PTPRD: variants seen among roughly 807,000 people sequenced by gnomAD.
PTPRD encodes the protein receptor-type tyrosine-protein phosphatase delta.
Under a neutral mutation model 214.5 loss-of-function variants are expected in PTPRD, and 34 were observed. The observed-to-expected ratio is 0.16, with a 90% CI of 0.12 to 0.21. PTPRD has a LOEUF of 0.21. Ranked by LOEUF, PTPRD falls within the 10% of genes least tolerant of loss-of-function variation. The probability of loss-of-function intolerance (pLI) is 1.00; values close to 1 mark genes in which losing one functional copy is unlikely to be tolerated. For missense variants in PTPRD, 2,545 were observed against 2,398.7 expected, an observed-to-expected ratio of 1.06 and a Z score of -1.27; for synonymous variants, 1,128 against 845.7, an observed-to-expected ratio of 1.33 and a Z score of -5.79.
intron 2 of PTPRD, among the ~76,000 whole-genome samples, chr9:10,482,294 C>G (rs1473348393): frequency 1.3e-5 from 2 of 151,984 alleles, no homozygotes; most frequent in South Asian, 2.1e-4. Flanking sequence ...TGGCATGAAC[C>G]CGGGAGGTGG....
chr9:8,679,702 A>G (rs1162967708), intron 12 of PTPRD, among the ~76,000 whole-genome samples: 1 of 152,230 alleles, frequency 6.6e-6, no homozygotes, highest in Admixed American at 6.5e-5. Context: ...GTTTTCTCCC[A>G]AGAGACATTT....
At chr9:8,817,695 A>G (rs2096950426) in intron 11 of PTPRD, among the ~76,000 whole-genome samples, 1 of 152,206 alleles carries the variant, frequency 6.6e-6, no homozygotes, top group Non-Finnish European at 1.5e-5. Context: ...ATTTCATAGA[A>G]TGGTAAAATC....
chr9:9,174,546 T>C (rs571081253), intron 10 of PTPRD, among the ~76,000 whole-genome samples: 5 of 152,278 alleles, frequency 3.3e-5, no homozygotes, highest in African/African-American at 9.6e-5. Flanking sequence ...GAGGTGAAGA[T>C]AGTAGATATA....
chr9:9,021,447 A>G (rs1449366747), intron 10 of PTPRD, among the ~76,000 whole-genome samples: 1 of 152,192 alleles, frequency 6.6e-6, no homozygotes, highest in African/African-American at 2.4e-5. Flanking sequence ...TAAATGATCA[A>G]TGGTATTAAT....
intron 11 of PTPRD, among the ~76,000 whole-genome samples, chr9:8,748,881 G>C (rs1338789924): frequency 6.6e-6 from 1 of 152,070 alleles, no homozygotes; most frequent in Non-Finnish European, 1.5e-5. Flanking sequence ...GTGCACTCCA[G>C]CCTGGGTAAT....
chr9:9,354,862 G>C (rs143599490), intron 9 of PTPRD, among the ~76,000 whole-genome samples: 1 of 151,714 alleles, frequency 6.6e-6, no homozygotes, highest in Non-Finnish European at 1.5e-5. Flanking sequence ...GAAAAATAAT[G>C]GAGGGTGAGG....
Position 8,838,791 on chromosome 9 carries a change from T to C in PTPRD, c.-103-104845A>G, listed in dbSNP as rs576105386. On this transcript the variant is annotated intron_variant, in intron 11 of 45. Coordinates refer to ENST00000381196, the MANE Select transcript of PTPRD (RefSeq NM_002839.4). Reference sequence around the variant, plus strand: ...TTCACCTAAATAAGTTTGAGGATCATGTGACTGAAGAATGGATATAAAACA... The same window carrying C: ...TTCACCTAAATAAGTTTGAGGATCACGTGACTGAAGAATGGATATAAAACA... 8.1e-4 allele frequency among the ~76,000 whole-genome samples: 123 copies of C among 152,118 alleles called. 2 individuals carry two copies. The highest frequency in any genetic ancestry group is 7.5e-3 in the South Asian group (36 of 4,820).
At chr9:8,650,043 G>A (rs116031101) in intron 12 of PTPRD, among the ~76,000 whole-genome samples, 2,429 of 152,024 alleles carry the variant, frequency 0.016, 26 homozygotes, top group Middle Eastern at 0.044. Flanking sequence ...TCAAACTCCC[G>A]AGCAGCGAGG....
intron 2 of PTPRD, among the ~76,000 whole-genome samples, chr9:10,482,406 C>A (rs2484740): frequency 0.5 from 76,013 of 151,290 alleles, 19,484 homozygotes; most frequent in East Asian, 0.76. Flanking sequence ...ATAAATAAAT[C>A]AATCAATAAT....
At chr9:8,333,807 G>A (rs544829249) in intron 43 of PTPRD, among the ~76,000 whole-genome samples, 1 of 151,760 alleles carries the variant, frequency 6.6e-6, no homozygotes, top group African/African-American at 2.4e-5. Flanking sequence ...GATACACATA[G>A]GCTCAACATA....
chr9:8,554,165 A>G (rs7854007), intron 14 of PTPRD, among the ~76,000 whole-genome samples: 49,832 of 151,952 alleles, frequency 0.33, 13,772 homozygotes, highest in African/African-American at 0.76. Context: ...TCCAGCCTAA[A>G]CGACAGGGCA....
chr9:10,294,900 G>A lies in PTPRD; in HGVS notation c.-545+46063C>T, dbSNP rs113837819. Among the ~76,000 whole-genome samples, 100 of 152,012 alleles carry A rather than the reference G, an allele frequency of 6.6e-4. 3 individuals carry two copies. Among genetic ancestry groups the A allele is most frequent in the African/African-American group, 2.1e-3 (88 of 41,520 alleles). On this transcript the variant is annotated intron_variant, in intron 3 of 45. Transcript: ENST00000381196. ...TGGAAAATAGGTTTTGGAACGCCAC[G>A]TTTGTTTATTGTATGGTTTGACATC...
intron 5 of PTPRD, among the ~76,000 whole-genome samples, chr9:9,925,245 G>C (rs2083859060): frequency 6.6e-6 from 1 of 152,106 alleles, no homozygotes; most frequent in Non-Finnish European, 1.5e-5. Flanking sequence ...TAAAATGTGA[G>C]AAAGTTCTTA....
intron 7 of PTPRD, among the ~76,000 whole-genome samples, chr9:9,678,754 T>C (rs2096992759): frequency 6.6e-6 from 1 of 151,914 alleles, no homozygotes; most frequent in Non-Finnish European, 1.5e-5. Flanking sequence ...GTCTAAACTT[T>C]AAGACAACTG....
chr9:9,724,724 A>G (rs1250247846), intron 7 of PTPRD, among the ~76,000 whole-genome samples: 1 of 152,158 alleles, frequency 6.6e-6, no homozygotes. Flanking sequence ...AAGCACTACA[A>G]AAGTTGCATG....
chr9:8,559,851 A>G (rs1049566560), intron 14 of PTPRD, among the ~76,000 whole-genome samples: 1 of 152,254 alleles, frequency 6.6e-6, no homozygotes, highest in Non-Finnish European at 1.5e-5. Context: ...ATCAATGTAC[A>G]TGGATAGCTT....
chr9:9,829,751 G>T (rs1599004588), intron 5 of PTPRD, among the ~76,000 whole-genome samples: 1 of 151,652 alleles, frequency 6.6e-6, no homozygotes, highest in Non-Finnish European at 1.5e-5. Context: ...AAGGAAATCT[G>T]GCAGACAATA....
At chr9:9,448,617 A>T (rs114350214) in intron 8 of PTPRD, among the ~76,000 whole-genome samples, 4 of 152,092 alleles carry the variant, frequency 2.6e-5, no homozygotes, top group African/African-American at 9.7e-5. Flanking sequence ...GTGAAAACAG[A>T]CTGATAAGCA....
chr9:10,216,416 A>G (rs573135440), intron 3 of PTPRD, among the ~76,000 whole-genome samples: 1 of 152,120 alleles, frequency 6.6e-6, no homozygotes, highest in South Asian at 2.1e-4. Context: ...TATAGCTTAT[A>G]TACAGTCTTT....
Sources: allele counts gnomAD v4.1 joint callset (sites outside exome capture counted in the v4.1 genomes callset), GRCh38; gene constraint gnomAD v4.1.1; transcripts MANE v1.5; gene names NCBI Gene and HGNC (gene_info 2026-07-23, HGNC 2026-07-21).